OPCML: variants seen among roughly 807,000 people sequenced by gnomAD.
OPCML encodes opioid-binding protein/cell adhesion molecule.
Under a neutral mutation model 37.8 loss-of-function variants are expected in OPCML, and 13 were observed. The observed-to-expected ratio is 0.34, with a 90% CI of 0.22 to 0.55. The LOEUF (loss-of-function observed/expected upper bound fraction) is 0.55. Ranked by LOEUF, OPCML falls within the 20% of genes least tolerant of loss-of-function variation. The probability of loss-of-function intolerance (pLI) is 0.91; values close to 1 mark genes in which losing one functional copy is unlikely to be tolerated. For synonymous variants in OPCML, 176 were observed against 168.8 expected (o/e 1.04, Z -0.33); for missense variants, 341 against 435.6 (o/e 0.78, Z 1.93).
chr11:133,020,625 G>C (rs1021429562), intron 1 of OPCML, among the ~76,000 whole-genome samples: 24 of 152,090 alleles, frequency 1.6e-4, no homozygotes, highest in African/African-American at 5.8e-4. Context: ...CTCAGGATTA[G>C]AGAAAAAGTG....
chr11:133,369,568 T>C (rs1245188829), intron 1 of OPCML, among the ~76,000 whole-genome samples: 1 of 152,244 alleles, frequency 6.6e-6, no homozygotes, highest in Non-Finnish European at 1.5e-5. Flanking sequence ...TATTTCATCA[T>C]GACATAAGAT....
chr11:133,012,819 G>A (rs185799757), intron 1 of OPCML, among the ~76,000 whole-genome samples: 4 of 144,038 alleles, frequency 2.8e-5, no homozygotes, highest in East Asian at 2.1e-4. Context: ...AGGTTGCGGC[G>A]AGATCGCACC....
chr11:133,048,272 A>G (rs1355002886), intron 1 of OPCML, among the ~76,000 whole-genome samples: 2 of 152,178 alleles, frequency 1.3e-5, no homozygotes, highest in Admixed American at 6.5e-5. Context: ...TTATCAGAGA[A>G]GAAACTGAGA....
chr11:133,423,492 G>C, intron 1 of OPCML: 1 of 985,398 alleles, frequency 1.0e-6, no homozygotes, highest in Non-Finnish European at 1.2e-6. Context: ...GCAACAAGCA[G>C]TCATAGAAGC....
rs373247385 is a variant in OPCML, at chr11:132,980,040, A to C, written c.62-37030T>G. On this transcript the variant is annotated intron_variant, in intron 1 of 7. Transcript: ENST00000524381. ...TATTGCCCTTAAGGAAATTAGTTTT[A>C]GTTGAGTAGAGAGAGCAGAAGCCAC... Among the ~76,000 whole-genome samples, 3 of 152,214 alleles carry C rather than the reference A, an allele frequency of 2.0e-5. 1 individual carries two copies. The highest frequency in any genetic ancestry group is 1.9e-4 in the East Asian group (1 of 5,192).
At chr11:133,518,183 T>C (rs1027293147) in intron 1 of OPCML, among the ~76,000 whole-genome samples, 18 of 151,776 alleles carry the variant, frequency 1.2e-4, no homozygotes, top group African/African-American at 3.9e-4. Flanking sequence ...GCAAGGTATG[T>C]ATGTGTGTAA....
chr11:133,528,769 C>T (rs372871509), intron 1 of OPCML, among the ~76,000 whole-genome samples: 5 of 152,314 alleles, frequency 3.3e-5, no homozygotes, highest in South Asian at 4.1e-4. Context: ...CAGATCAGCG[C>T]ATGAAGACAC....
chr11:132,591,915 GTGCCCAGTTT>G (rs1012113826), intron 3 of OPCML, among the ~76,000 whole-genome samples: 5 of 152,194 alleles, frequency 3.3e-5, no homozygotes, highest in African/African-American at 1.2e-4. Flanking sequence ...GGATAAAGCT[GTGCCCAGTTT>G]TGCAGTGTAG....
intron 2 of OPCML, among the ~76,000 whole-genome samples, chr11:132,802,375 C>T (rs1348838635): frequency 6.6e-6 from 1 of 152,152 alleles, no homozygotes; most frequent in Non-Finnish European, 1.5e-5. Context: ...GGTTACTCGG[C>T]CCTTGCTTGC....
intron 4 of OPCML, among the ~76,000 whole-genome samples, chr11:132,450,465 T>A (rs886372608): frequency 6.6e-6 from 1 of 152,030 alleles, no homozygotes; most frequent in Non-Finnish European, 1.5e-5. Context: ...GACGGTGGTG[T>A]CTGCAGATTT....
chr11:132,556,123 T>C (rs1023608130), intron 3 of OPCML, among the ~76,000 whole-genome samples: 1 of 151,726 alleles, frequency 6.6e-6, no homozygotes, highest in Non-Finnish European at 1.5e-5. Flanking sequence ...AAAAAAATTT[T>C]GTAGAGATAG....
At chr11:133,093,968 C>T (rs569303348) in intron 1 of OPCML, among the ~76,000 whole-genome samples, 30 of 151,994 alleles carry the variant, frequency 2.0e-4, no homozygotes, top group Non-Finnish European at 3.4e-4. Context: ...AGGATATGTC[C>T]GGTGGATGCA....
chr11:133,473,026 C>A (rs751024867), intron 1 of OPCML, among the ~76,000 whole-genome samples: 7 of 152,144 alleles, frequency 4.6e-5, no homozygotes. Context: ...ACTGATGCTG[C>A]ATTTTCTGTC....
intron 1 of OPCML, among the ~76,000 whole-genome samples, chr11:132,994,142 C>G (rs1199032519): frequency 6.6e-6 from 1 of 152,212 alleles, no homozygotes; most frequent in Non-Finnish European, 1.5e-5. Context: ...TTATTTATAG[C>G]CAGGTTCCAG....
chr11:132,735,494 T>A (rs1945223020), intron 2 of OPCML, among the ~76,000 whole-genome samples: 1 of 151,790 alleles, frequency 6.6e-6, no homozygotes, highest in Non-Finnish European at 1.5e-5. Context: ...GTTGTTGTTG[T>A]TTTTTTTCTT....
intron 2 of OPCML, among the ~76,000 whole-genome samples, chr11:132,775,384 T>G (rs574490929): frequency 6.6e-6 from 1 of 152,340 alleles, no homozygotes; most frequent in African/African-American, 2.4e-5. Context: ...TTGCAACAGC[T>G]TTTTGTTATG....
chr11:133,298,957 T>C (rs1942706806), intron 1 of OPCML: 1 of 151,688 alleles, frequency 6.6e-6, no homozygotes, highest in Non-Finnish European at 1.5e-5. Flanking sequence ...ATTATTTGAC[T>C]AGAGAAGGAA....
At chr11:133,333,260 T>C (rs988355576) in intron 1 of OPCML, among the ~76,000 whole-genome samples, 9 of 152,158 alleles carry the variant, frequency 5.9e-5, no homozygotes, top group Admixed American at 2.6e-4. Context: ...GGTTTCACCA[T>C]GTTGCCCAGG....
Position 132,943,142 on chromosome 11 carries a change from C to T in OPCML, c.62-132G>A, listed in dbSNP as rs576601532. On this transcript the variant is annotated intron_variant, in intron 1 of 7. Transcript: ENST00000524381. This position sits in a 1 kb window ranked among gnomAD's most constrained non-coding sequence, Gnocchi z 4.3. ...ACTCCGGCAGCCGCACAGTCCTGGT[C>T]CCCCGCCCCGCGCACCAGCGGGCTC... The T allele has an allele frequency of 1.9e-6, 3 of 1,605,228 alleles. No individual in the cohort carries two copies. The highest frequency in any genetic ancestry group is 2.2e-5 in the East Asian group (1 of 44,578).
Sources: allele counts gnomAD v4.1 joint callset (sites outside exome capture counted in the v4.1 genomes callset), GRCh38; gene constraint gnomAD v4.1.1; non-coding constraint Gnocchi (gnomAD v3.1); transcripts MANE v1.5; gene names NCBI Gene and HGNC (gene_info 2026-07-23, HGNC 2026-07-21).